BBS4: variants seen among roughly 807,000 people sequenced by gnomAD.
BBS4 encodes the protein Bardet-Biedl syndrome 4.
A neutral mutation model predicts 71.4 loss-of-function variants in BBS4; 58 were observed. The ratio of observed to expected loss-of-function variants is 0.81; its 90% confidence interval spans 0.66 to 1.01. BBS4 has a LOEUF of 1.01. Among genes scored for constraint, BBS4 ranks in the 50% least tolerant of loss-of-function variants. BBS4 has a pLI of 0.00. For missense variants in BBS4, 660 were observed against 607.9 expected (o/e 1.09, Z -0.90); for synonymous variants, 228 against 216.8 (o/e 1.05, Z -0.46).
intron 14 of BBS4, among the ~76,000 whole-genome samples, 168 bp downstream of exon 14, chr15:72,736,134 C>G (rs1434358965): frequency 5.3e-5 from 8 of 152,020 alleles, no homozygotes; most frequent in Non-Finnish European, 1.5e-5. Flanking sequence ...GAAAAACTTT[C>G]CTAGAATAAT....
intron 1 of BBS4, among the ~76,000 whole-genome samples, chr15:72,687,136 A>ATTTTTTTTTTTTTTTTTTTC (rs2064868038): frequency 5.8e-4 from 1 of 1,714 alleles, no homozygotes; most frequent in Non-Finnish European, 4.4e-3. Context: ...TTTTTTTTTG[A>ATTTTTTTTTTTTTTTTTTTC]GACGGAGTGT....
intron 2 of BBS4, chr15:72,697,844 G>C (rs1161293579): frequency 5.3e-5 from 21 of 393,426 alleles, no homozygotes; most frequent in Admixed American, 8.2e-5. Flanking sequence ...ACAGATTTCT[G>C]TTTGGTATTT....
chr15:72,707,032 CT>C (rs199839642), intron 2 of BBS4, among the ~76,000 whole-genome samples: 9 of 150,330 alleles, frequency 6.0e-5, no homozygotes, highest in Non-Finnish European at 1.3e-4. Context: ...TCACAGTAAG[CT>C]TTTTTTTTCT....
chr15:72,700,935 T>C (rs1210188989), intron 2 of BBS4, among the ~76,000 whole-genome samples: 1 of 152,230 alleles, frequency 6.6e-6, no homozygotes, highest in Non-Finnish European at 1.5e-5. Flanking sequence ...AAATGTCTAA[T>C]TTGGCTCAAT....
At chr15:72,733,472 C>T (rs1224135461) in intron 12 of BBS4, among the ~76,000 whole-genome samples, 1 of 151,966 alleles carries the variant, frequency 6.6e-6, no homozygotes, top group African/African-American at 2.4e-5. Flanking sequence ...TGTCTGTTTC[C>T]CTCTGTGTCT....
Position 72,709,734 on chromosome 15 carries a change from G to A in BBS4, c.111G>A (p.Trp37Ter), listed in dbSNP as rs765714902. 1 of 1,613,742 alleles carries A rather than the reference G, an allele frequency of 6.2e-7. No homozygotes were observed. Residue 37 changes from tryptophan (W) to a stop codon, truncating the protein, a stop_gained, in exon 3 of 16, where the codon TGG (tryptophan) becomes TGA (stop). Coordinates refer to ENST00000268057, the MANE Select transcript of BBS4 (RefSeq NM_033028.5). LOFTEE classifies it high-confidence loss of function. ...TTCCTATTTTGGAGAAGCAGAACTG[G>A]TTGATTCATCTTCATTATATCCGGA... is the stretch of plus-strand genomic sequence containing the variant. ...PEFPILEKQN[W>*]LIHLHYIRKD...
At position 72,718,610 on chromosome 15, in the gene BBS4, T is replaced by A. The variant is rs569809365; in HGVS notation, c.405+1760T>A. On this transcript the variant is annotated intron_variant, in intron 6 of 15. Transcript: ENST00000268057. ...TTGAGTCTTTATGCCATGGAGTATGTTATAGCTAACAGCCAGAGTGAAACT... is the reference window on the plus strand; with the variant it reads ...TTGAGTCTTTATGCCATGGAGTATGATATAGCTAACAGCCAGAGTGAAACT... Among the ~76,000 whole-genome samples the A allele has an allele frequency of 5.9e-5, 9 of 152,326 alleles. 1 individual carries two copies. In the South Asian group the frequency reaches 1.9e-3, roughly 32 times the overall value.
intron 4 of BBS4, among the ~76,000 whole-genome samples, chr15:72,713,614 C>T (rs888374659): frequency 2.0e-5 from 3 of 152,076 alleles, no homozygotes; most frequent in East Asian, 1.9e-4. Context: ...GTAATGTAGT[C>T]ATTTATTATC....
chr15:72,712,401 C>A, intron 4 of BBS4, 94 bp downstream of exon 4: 1 of 1,143,654 alleles, frequency 8.7e-7, no homozygotes. Flanking sequence ...AGTTCAAGTA[C>A]AGTCATGCAC....
rs1411988033 is a variant in BBS4 at position 72,697,879 on chromosome 15, T to C, written c.76+2651T>C. ...TTTGTCCAAATATATCAGGACTTTT[T>C]CAAGAACAGGCAATGAAATTATTGA... On this transcript the variant is annotated intron_variant, in intron 2 of 15. Transcript: ENST00000268057. 21 of 428,130 alleles carry C rather than the reference T, an allele frequency of 4.9e-5. 1 individual carries two copies. The highest frequency in any genetic ancestry group is 4.8e-6 in the Non-Finnish European group (1 of 208,862). 26.5% of individuals were successfully genotyped at this position (428,130 alleles called of 1,614,324 possible). A position where few individuals can be genotyped will look rare whatever the true frequency, so the allele number is the denominator to read the frequency against.
At position 72,735,933 on chromosome 15, in the gene BBS4, C is replaced by A; in HGVS notation, c.1215C>A (p.Leu405=). The A allele has an allele frequency of 6.2e-7, 1 of 1,614,094 alleles. No homozygotes were observed. Among genetic ancestry groups the A allele is most frequent in the South Asian group, 1.1e-5 (1 of 91,068 alleles). Residue 405 remains leucine, a synonymous_variant, in exon 14 of 16, where the codon CTC becomes CTA. Coordinates refer to ENST00000268057, the MANE Select transcript of BBS4 (RefSeq NM_033028.5). ...AGATGGAGAAGAAAGTCAGCCTACT[C>A]AAGGACAATAGCTCTCTGGAATTTG... is the stretch of plus-strand genomic sequence containing the variant. ...YQEMEKKVSL[L]KDNSSLEFDS... is the part of the protein sequence containing the mutation.
intron 4 of BBS4, 112 bp downstream of exon 4, chr15:72,712,419 C>A: frequency 2.0e-6 from 2 of 989,278 alleles, no homozygotes; most frequent in Non-Finnish European, 3.1e-6. Context: ...CACCACTTAA[C>A]AATGGAGATA....
intron 1 of BBS4, among the ~76,000 whole-genome samples, chr15:72,690,740 G>A (rs546577698): frequency 8.9e-4 from 136 of 152,160 alleles, no homozygotes; most frequent in African/African-American, 3.1e-3. Flanking sequence ...TGGAATTGCT[G>A]GGTTATATTG....
At chr15:72,724,760 T>A (rs1033200165) in intron 8 of BBS4, 105 bp downstream of exon 8, 1 of 1,449,194 alleles carries the variant, frequency 6.9e-7, no homozygotes, top group Admixed American at 2.0e-5. Context: ...AATTACTTAC[T>A]GTATGAGTTA....
rs775797742 is a variant in BBS4 at position 72,729,691 on chromosome 15, C to T, written c.711+7C>T. The T allele has an allele frequency of 5.0e-6, 8 of 1,613,286 alleles. No individual in the cohort carries two copies. Among genetic ancestry groups the T allele is most frequent in the Non-Finnish European group, 5.9e-6 (7 of 1,179,366 alleles). On this transcript the variant is annotated splice_region_variant and intron_variant, in intron 10 of 15. Transcript: ENST00000268057. ...TGACCCTACCAACTACAAGGTATTA[C>T]AGGCTGTGAAGGCTCTGGCCTTCAT...
chr15:72,686,966 A>G, intron 1 of BBS4: 1 of 226,844 alleles, frequency 4.4e-6, no homozygotes, highest in South Asian at 5.5e-5. Flanking sequence ...ACGCCCTGGA[A>G]AACAGTACAA....
At chr15:72,724,476 A>G (rs1691030602) in intron 7 of BBS4, 52 bp from the exon 8 acceptor site, 1 of 1,610,050 alleles carries the variant, frequency 6.2e-7, no homozygotes, top group South Asian at 1.1e-5. Context: ...ATAAAGGTAT[A>G]GTTCGTTCAG....
chr15:72,687,468 G>A (rs930478194), intron 1 of BBS4, among the ~76,000 whole-genome samples: 5 of 151,626 alleles, frequency 3.3e-5, no homozygotes, highest in Admixed American at 1.3e-4. Flanking sequence ...GCGGGGCATC[G>A]TGGCGCTCGC....
intron 2 of BBS4, among the ~76,000 whole-genome samples, chr15:72,695,663 C>T (rs2065064333): frequency 6.6e-6 from 1 of 152,150 alleles, no homozygotes; most frequent in South Asian, 2.1e-4. Flanking sequence ...AAGTAATAGT[C>T]TAAATGTTCT....
Sources: gnomAD v4.1 joint callset for allele counts (sites outside exome capture counted in the v4.1 genomes callset) on GRCh38, gnomAD v4.1.1 for gene constraint, MANE v1.5 for transcripts, NCBI Gene and HGNC (gene_info 2026-07-23, HGNC 2026-07-21) for gene names.